The following PTPRA variants were observed in gnomAD, a reference collection of about 807,000 sequenced individuals.
The protein encoded by PTPRA is receptor-type tyrosine-protein phosphatase alpha.
PTPRA carries 25 observed loss-of-function variants against 104.8 expected under a neutral mutation model. That is an observed-to-expected ratio of 0.24 (90% CI 0.17 to 0.33). The LOEUF is 0.33. PTPRA is among the 10% of genes least tolerant of loss of function. PTPRA has a pLI of 1.00. For synonymous variants in PTPRA, 323 were observed against 368.9 expected, an observed-to-expected ratio of 0.88 and a Z score of 1.43; for missense variants, 765 against 1,015.3, an observed-to-expected ratio of 0.75 and a Z score of 3.35.
At chr20:2,982,091 CTT>C (rs11475103) in intron 6 of PTPRA, among the ~76,000 whole-genome samples, 127 of 136,572 alleles carry the variant, frequency 9.3e-4, no homozygotes, top group African/African-American at 3.0e-3. Context: ...TCTTCTTCTT[CTT>C]TTTTTTTTTT....
chr20:2,917,413 TC>T (rs2059944026), intron 1 of PTPRA, among the ~76,000 whole-genome samples: 1 of 152,254 alleles, frequency 6.6e-6, no homozygotes, highest in African/African-American at 2.4e-5. Flanking sequence ...CTGGAGCCCT[TC>T]CTACCCTTCT....
At chr20:2,914,215 CCTT>C (rs1212255210) in intron 1 of PTPRA, among the ~76,000 whole-genome samples, 1 of 152,066 alleles carries the variant, frequency 6.6e-6, no homozygotes, top group Non-Finnish European at 1.5e-5. Context: ...TGATCAAAGC[CCTT>C]CTTATACTTT....
At chr20:2,894,608 ATT>A (rs11479678) in intron 1 of PTPRA, among the ~76,000 whole-genome samples, 6 of 148,006 alleles carry the variant, frequency 4.1e-5, no homozygotes, top group African/African-American at 7.4e-5. Flanking sequence ...GTGCTGGCCA[ATT>A]TTTTTTTTTT....
upstream of PTPRA, among the ~76,000 whole-genome samples, chr20:2,872,355 GA>G (rs1242593043): frequency 2.0e-5 from 3 of 152,202 alleles, no homozygotes; most frequent in Non-Finnish European, 4.4e-5. This position sits in a 1 kb window ranked among gnomAD's most constrained non-coding sequence, Gnocchi z 7.9. Flanking sequence ...GCGTGAGGGG[GA>G]CTCAGGGGTT....
chr20:3,007,557 T>A lies in PTPRA; in HGVS notation c.906+137T>A. The A allele has an allele frequency of 8.8e-6, 8 of 913,996 alleles. No homozygotes were observed. The South Asian group carries it at 1.2e-4, about 14-fold the overall frequency. 56.6% of individuals were successfully genotyped at this position (913,996 alleles called of 1,614,324 possible). A position where few individuals can be genotyped will look rare whatever the true frequency, so the allele number is the denominator to read the frequency against. On this transcript the variant is annotated intron_variant, in intron 11 of 23. Coordinates refer to ENST00000399903, the MANE Select transcript of PTPRA (RefSeq NM_001385305.1). ...GACAAGTCTGGTTTTTTTAAGTGAC[T>A]GAATTTTTTTTTAAGGTCAGTCAAA...
chr20:2,986,980 G>A (rs933475249), intron 7 of PTPRA, 131 bp downstream of exon 7: 1 of 812,130 alleles, frequency 1.2e-6, no homozygotes, highest in South Asian at 1.6e-5. Flanking sequence ...ACCCATGATA[G>A]TGCTAAAATT....
At chr20:3,002,116 G>A (rs763639228) in intron 9 of PTPRA, among the ~76,000 whole-genome samples, 8 of 151,924 alleles carry the variant, frequency 5.3e-5, no homozygotes, top group Non-Finnish European at 1.0e-4. Flanking sequence ...CTCCAGCCTG[G>A]GTGACAGAGC....
chr20:3,018,356 G>A (rs2064580596), intron 13 of PTPRA, among the ~76,000 whole-genome samples: 1 of 151,854 alleles, frequency 6.6e-6, no homozygotes, highest in Admixed American at 6.6e-5. Context: ...GTTTTCCTAG[G>A]CAGAGGACCC....
chr20:2,995,221 A>G (rs2063350703), intron 9 of PTPRA, among the ~76,000 whole-genome samples: 1 of 152,156 alleles, frequency 6.6e-6, no homozygotes, highest in African/African-American at 2.4e-5. Context: ...TGTTCCTATC[A>G]TTTGTAATGA....
intron 11 of PTPRA, among the ~76,000 whole-genome samples, chr20:3,013,795 A>G (rs1290589361): frequency 6.6e-6 from 1 of 152,122 alleles, no homozygotes; most frequent in Non-Finnish European, 1.5e-5. Flanking sequence ...TTCAGCTTTC[A>G]GAATCTAGAG....
At chr20:3,010,436 G>A (rs1000028878) in intron 11 of PTPRA, among the ~76,000 whole-genome samples, 2 of 151,802 alleles carry the variant, frequency 1.3e-5, no homozygotes, top group Non-Finnish European at 2.9e-5. Flanking sequence ...AGACCATCCT[G>A]GCTAACACGG....
intron 2 of PTPRA, among the ~76,000 whole-genome samples, chr20:2,932,310 GTTGTT>G (rs937559515): frequency 6.6e-6 from 1 of 152,164 alleles, no homozygotes; most frequent in Non-Finnish European, 1.5e-5. Context: ...TCATAATGAG[GTTGTT>G]AAGTAGAGGT....
At chr20:2,882,658 A>G (rs553436946) in intron 1 of PTPRA, among the ~76,000 whole-genome samples, 13 of 152,272 alleles carry the variant, frequency 8.5e-5, no homozygotes, top group African/African-American at 3.1e-4. Context: ...TTTGTGAGCT[A>G]CTGGAAGAAA....
At chr20:2,964,089 T>C (rs187154932) in intron 3 of PTPRA, among the ~76,000 whole-genome samples, 183 bp from the exon 4 acceptor site, 1 of 152,232 alleles carries the variant, frequency 6.6e-6, no homozygotes, top group Admixed American at 6.5e-5. Flanking sequence ...GGATAGTCAG[T>C]CTTTATAAAG....
At position 3,017,184 on chromosome 20, in the gene PTPRA, C is replaced by T. The variant is rs540891980; in HGVS notation, c.944-632C>T. Among the ~76,000 whole-genome samples the T allele has an allele frequency of 9.2e-4, 140 of 152,140 alleles. 1 individual carries two copies. The highest frequency in any genetic ancestry group is 4.3e-3 in the Admixed American group (66 of 15,278). The stretch of plus-strand genomic sequence containing the variant: ...GGTTTAATTTTTTTATCTTGGGATC[C>T]TTCTAGAATCTTCTTTCTTCAGTTG... On this transcript the variant is annotated intron_variant, in intron 12 of 23. Transcript: ENST00000399903.
chr20:2,989,840 AC>A (rs1217430965), intron 9 of PTPRA, among the ~76,000 whole-genome samples: 3 of 151,886 alleles, frequency 2.0e-5, no homozygotes, highest in Non-Finnish European at 2.9e-5. Context: ...ACACAGTGAA[AC>A]CCTGTCTCTA....
intron 20 of PTPRA, among the ~76,000 whole-genome samples, chr20:3,034,709 G>A (rs1691021159): frequency 6.6e-6 from 1 of 152,084 alleles, no homozygotes; most frequent in Admixed American, 6.5e-5. Context: ...TTTGGACTGT[G>A]AGACTATTCA....
At chr20:2,895,006 G>A (rs767071908) in intron 1 of PTPRA, among the ~76,000 whole-genome samples, 5 of 143,406 alleles carry the variant, frequency 3.5e-5, no homozygotes, top group South Asian at 2.3e-4. Context: ...AAAAAAAAAA[G>A]TAGTTTGTCT....
intron 9 of PTPRA, among the ~76,000 whole-genome samples, chr20:2,997,164 C>A (rs963363768): frequency 2.6e-5 from 4 of 150,998 alleles, no homozygotes; most frequent in Admixed American, 2.6e-4. Flanking sequence ...TTTTTGTTTT[C>A]AAAAATATGT....
Sources: allele counts gnomAD v4.1 joint callset (sites outside exome capture counted in the v4.1 genomes callset), GRCh38; gene constraint gnomAD v4.1.1; non-coding constraint Gnocchi (gnomAD v3.1); transcripts MANE v1.5; gene names NCBI Gene and HGNC (gene_info 2026-07-23, HGNC 2026-07-21).